Variants in FBXL19 observed in about 807,000 individuals in gnomAD.
The protein encoded by FBXL19 is F-box/LRR-repeat protein 19.
FBXL19 carries 16 observed loss-of-function variants against 71.2 expected under a neutral mutation model. That is an observed-to-expected ratio of 0.22 (90% confidence interval 0.15 to 0.34). FBXL19 has a LOEUF of 0.34. Among genes scored for constraint, FBXL19 ranks in the 10% least tolerant of loss-of-function variants. The pLI, the probability that FBXL19 is intolerant of heterozygous loss-of-function variation, is 1.00. For missense variants in FBXL19, 658 were observed against 968.2 expected (o/e 0.68, Z 4.25); for synonymous variants, 447 against 409.4 (o/e 1.09, Z -1.11).
intron 7 of FBXL19, among the ~76,000 whole-genome samples, chr16:30,941,196 C>T (rs1224542447): frequency 6.6e-6 from 1 of 152,106 alleles, no homozygotes; most frequent in East Asian, 1.9e-4. Context: ...AAATGGGCAG[C>T]TGGGTGCAGT....
Position 30,925,263 on chromosome 16 carries a change from G to C in FBXL19, c.-24-468G>C, listed in dbSNP as rs911902612. ...GGGGGAGGAAAAGTCCGGAGCTTCCGTCTAGGAATCTCTGGGTATCTGGGA... is the reference window on the plus strand; with the variant it reads ...GGGGGAGGAAAAGTCCGGAGCTTCCCTCTAGGAATCTCTGGGTATCTGGGA... On this transcript the variant is annotated intron_variant, in intron 1 of 10. Transcript: ENST00000338343. This position sits in a 1 kb window ranked among gnomAD's most constrained non-coding sequence, Gnocchi z 5.0. Among the ~76,000 whole-genome samples the C allele has an allele frequency of 6.6e-6, 1 of 152,112 alleles. No homozygotes were observed. Among genetic ancestry groups the C allele is most frequent in the African/African-American group, 2.4e-5 (1 of 41,406 alleles).
upstream of FBXL19, among the ~76,000 whole-genome samples, chr16:30,923,453 AGT>A (rs978182894): frequency 2.2e-4 from 31 of 142,490 alleles, no homozygotes; most frequent in African/African-American, 7.6e-4. Context: ...CGTCCTGGAA[AGT>A]GGAGGTGGTG....
chr16:30,926,677 T>G (rs888823946), intron 2 of FBXL19, among the ~76,000 whole-genome samples: 1 of 151,960 alleles, frequency 6.6e-6, no homozygotes, highest in Non-Finnish European at 1.5e-5. Context: ...TTTTCCTTTA[T>G]CCCCCAACCC....
chr16:30,938,899 G>A (rs2055767789), intron 7 of FBXL19, among the ~76,000 whole-genome samples: 1 of 151,964 alleles, frequency 6.6e-6, no homozygotes, highest in Non-Finnish European at 1.5e-5. Context: ...GCCTCCCAAA[G>A]TGCTGGGATT....
At chr16:30,928,906 G>A (rs1246017679) in intron 6 of FBXL19, among the ~76,000 whole-genome samples, 4 of 152,088 alleles carry the variant, frequency 2.6e-5, no homozygotes, top group South Asian at 4.1e-4. Flanking sequence ...ATTTCTGTCC[G>A]ACCGTTTACT....
intron 7 of FBXL19, among the ~76,000 whole-genome samples, chr16:30,932,457 C>T (rs947816436): frequency 6.6e-6 from 1 of 152,198 alleles, no homozygotes; most frequent in South Asian, 2.1e-4. Flanking sequence ...CTGATTTCTG[C>T]TTCAACGGGA....
chr16:30,939,202 G>A (rs1485083646), intron 7 of FBXL19, among the ~76,000 whole-genome samples: 3 of 141,798 alleles, frequency 2.1e-5, no homozygotes, highest in Admixed American at 7.2e-5. Context: ...CTCCCAAGTA[G>A]CTGGGACTAC....
At position 30,948,686 on chromosome 16, in the gene FBXL19, C is replaced by A. The variant is rs1013373631; in HGVS notation, c.*1456C>A. ...CCGCTTGGGGGAGGGAAGAGGCAGC[C>A]CGGCGAGGGGCAAGCGGGGGACCCA... is the stretch of plus-strand genomic sequence containing the variant. On this transcript the variant is annotated 3_prime_UTR_variant, in exon 11 of 11. Coordinates refer to ENST00000338343, the MANE Select transcript of FBXL19 (RefSeq NM_001382779.1). 6.6e-6 allele frequency: 1 copy of A among 152,108 alleles called. No individual in the cohort carries two copies. The highest frequency in any genetic ancestry group is 1.5e-5 in the Non-Finnish European group (1 of 68,090). 9.4% of individuals were successfully genotyped at this position (152,108 alleles called of 1,614,324 possible). A position where few individuals can be genotyped will look rare whatever the true frequency, so the allele number is the denominator to read the frequency against.
chr16:30,934,187 C>A (rs947970081), intron 7 of FBXL19, among the ~76,000 whole-genome samples: 2 of 152,048 alleles, frequency 1.3e-5, no homozygotes, highest in African/African-American at 4.8e-5. Flanking sequence ...CATGGTGAGA[C>A]CCTGTCTCTA....
intron 5 of FBXL19, 75 bp downstream of exon 5, chr16:30,928,038 G>T (rs938848811): frequency 3.8e-6 from 4 of 1,051,196 alleles, no homozygotes; most frequent in East Asian, 5.3e-5. Flanking sequence ...GTTCTGTGGG[G>T]CTGTGTGGGC....
intron 6 of FBXL19, among the ~76,000 whole-genome samples, chr16:30,929,747 G>C (rs1461982939): frequency 6.6e-6 from 1 of 152,152 alleles, no homozygotes; most frequent in Non-Finnish European, 1.5e-5. Flanking sequence ...GTAGAGACAG[G>C]GTTTCACTAT....
intron 9 of FBXL19, among the ~76,000 whole-genome samples, chr16:30,945,122 A>C (rs1024934091): frequency 6.6e-6 from 1 of 152,172 alleles, no homozygotes; most frequent in African/African-American, 2.4e-5. Flanking sequence ...GACTCCATAA[A>C]ACATGTTTGG....
chr16:30,944,999 C>T (rs2143392336), intron 9 of FBXL19, among the ~76,000 whole-genome samples: 1 of 152,228 alleles, frequency 6.6e-6, no homozygotes, highest in Middle Eastern at 3.4e-3. Context: ...GGAAGGAGTG[C>T]CTAGTGAGGC....
intron 5 of FBXL19, 72 bp downstream of exon 5, chr16:30,928,035 G>GGGGCTGTGTGGGCCTGGGAGC: frequency 9.5e-7 from 1 of 1,055,862 alleles, no homozygotes; most frequent in South Asian, 1.7e-5. Flanking sequence ...CTGGTTCTGT[G>GGGGCTGTGTGGGCCTGGGAGC]GGGCTGTGTG....
chr16:30,928,593 TC>T lies in FBXL19; in HGVS notation c.756del (p.Cys253AlafsTer35). The T allele has an allele frequency of 6.2e-7, 1 of 1,603,298 alleles. No individual in the cohort carries two copies. The highest frequency in any genetic ancestry group is 8.5e-7 in the Non-Finnish European group (1 of 1,175,116). Reference protein sequence around the residue: ...RVLNPSQAFSSCHPGLPPENW... With the variant: ...RVLNPSQAFSXCHPGLPPENW... ...TCTGAATCCGAGCCAGGCTTTCTCA[TC>T]CTGCCACCCTGGGCTCCCTCCCGAG... On this transcript the variant is annotated frameshift_variant, in exon 6 of 11. Coordinates refer to ENST00000338343, the MANE Select transcript of FBXL19 (RefSeq NM_001382779.1). LOFTEE classifies it high-confidence loss of function.
At chr16:30,927,260 C>T (rs2055602795) in intron 2 of FBXL19, 48 bp from the exon 3 acceptor site, 1 of 1,516,046 alleles carries the variant, frequency 6.6e-7, no homozygotes, top group Non-Finnish European at 8.8e-7. Context: ...AGGGTCTTTC[C>T]CCTGTTGTTA....
chr16:30,928,406 T>A, intron 5 of FBXL19, 61 bp from the exon 6 acceptor site: 2 of 1,449,378 alleles, frequency 1.4e-6, no homozygotes, highest in Non-Finnish European at 1.8e-6. Context: ...CTTAGATTTC[T>A]GGCCCATGAG....
At chr16:30,940,258 C>CAA (rs879944923) in intron 7 of FBXL19, among the ~76,000 whole-genome samples, 3 of 115,734 alleles carry the variant, frequency 2.6e-5, no homozygotes, top group Admixed American at 8.8e-5. Context: ...AACTCTGTCT[C>CAA]AAAAAAAAAA....
chr16:30,936,535 C>G (rs1367925363), intron 7 of FBXL19, among the ~76,000 whole-genome samples: 1 of 151,438 alleles, frequency 6.6e-6, no homozygotes, highest in African/African-American at 2.4e-5. Context: ...ACGCCATTCT[C>G]CTGCCTCAGC....
Sources: allele counts gnomAD v4.1 joint callset (sites outside exome capture counted in the v4.1 genomes callset), GRCh38; gene constraint gnomAD v4.1.1; non-coding constraint Gnocchi (gnomAD v3.1); transcripts MANE v1.5; gene names NCBI Gene and HGNC (gene_info 2026-07-23, HGNC 2026-07-21).